The following ADCK2 variants were observed in gnomAD, a reference collection of about 807,000 sequenced individuals.
ADCK2 encodes aarF domain containing kinase 2, also known as uncharacterized aarF domain-containing protein kinase 2.
Under a neutral mutation model 52.3 loss-of-function variants are expected in ADCK2, and 37 were observed. The observed-to-expected ratio is 0.71, with a 90% CI of 0.54 to 0.93. The LOEUF (loss-of-function observed/expected upper bound fraction) is 0.93, where lower values mean the gene tolerates loss of function less well. ADCK2 is among the 40% of genes least tolerant of loss of function. The pLI, the probability that ADCK2 is intolerant of heterozygous loss-of-function variation, is 0.00. For synonymous variants in ADCK2, 321 were observed against 349.2 expected, an observed-to-expected ratio of 0.92 and a Z score of 0.90; for missense variants, 695 against 798.7, an observed-to-expected ratio of 0.87 and a Z score of 1.56.
intron 3 of ADCK2, among the ~76,000 whole-genome samples, chr7:140,680,789 G>T (rs545428721): frequency 1.3e-5 from 2 of 152,198 alleles, no homozygotes; most frequent in African/African-American, 4.8e-5. Flanking sequence ...GACTTTCCGA[G>T]TTGAGGTGGT....
At chr7:140,687,486 G>A (rs919419680) in intron 5 of ADCK2, among the ~76,000 whole-genome samples, 5 of 152,034 alleles carry the variant, frequency 3.3e-5, no homozygotes, top group Admixed American at 6.6e-5. Flanking sequence ...AGGCCAAGGC[G>A]GGTGGATCAC....
In ADCK2 at chr7:140,687,107, A is replaced by T; in HGVS notation, c.1423A>T (p.Thr475Ser). Residue 475 changes from threonine to serine, a missense_variant, in exon 5 of 8, where the codon ACT (threonine) becomes TCT (serine). Transcript: ENST00000072869. ...GCTGCAGCAGGCGGACATCTGTGAC[A>T]CTCTGGTGGTGGCCGTGCCATCTTC... ...AQLQQADICD[T>S]LVVAVPSSLC... 6 of 1,613,440 alleles carry T rather than the reference A, an allele frequency of 3.7e-6. No homozygotes were observed. The highest frequency in any genetic ancestry group is 5.1e-6 in the Non-Finnish European group (6 of 1,179,940).
Position 140,674,696 on chromosome 7 carries a change from G to T in ADCK2, c.1019G>T (p.Gly340Val). The T allele has an allele frequency of 6.2e-7, 1 of 1,614,178 alleles. No homozygotes were observed. Residue 340 changes from glycine (G) to valine (V), a missense_variant, in exon 2 of 8, where the codon GGC becomes GTC. Physicochemically the swap from Gly to Val is moderately radical, Grantham distance 109. Transcript: ENST00000072869. This position sits in a 1 kb window ranked among gnomAD's most constrained non-coding sequence, Gnocchi z 4.6. ...AGCCGAGTCCTGGGAGTTTTGCCAG[G>T]CATCAAGTGGCTTAGCTTGCCTGAG... Reference protein sequence around the residue: ...IGSRVLGVLPGIKWLSLPEIV... With the variant: ...IGSRVLGVLPVIKWLSLPEIV...
In ADCK2 at chr7:140,674,338, G is replaced by GC; in HGVS notation, c.933+80dup. The GC allele has an allele frequency of 7.0e-7, 1 of 1,436,114 alleles. No homozygotes were observed. Among genetic ancestry groups the GC allele is most frequent in the Non-Finnish European group, 9.4e-7 (1 of 1,065,958 alleles). The allele number at this position is 1,436,114 out of a possible 1,614,324, so 89.0% of individuals were successfully genotyped here. ...ATCAGAAACAACCGCCATGCAAATC[G>GC]CCCCCACGTTTATTTCTATTTGCCT... On this transcript the variant is annotated intron_variant, in intron 1 of 7. Coordinates refer to ENST00000072869, the MANE Select transcript of ADCK2 (RefSeq NM_052853.4). This position sits in a 1 kb window ranked among gnomAD's most constrained non-coding sequence, Gnocchi z 4.6.
intron 6 of ADCK2, among the ~76,000 whole-genome samples, chr7:140,690,327 C>CG (rs1288422009): frequency 6.6e-6 from 1 of 152,072 alleles, no homozygotes; most frequent in East Asian, 1.9e-4. Context: ...CTCAGCCTCC[C>CG]GAGTAGCTGG....
rs1049899058 is a variant in ADCK2 at position 140,678,290 on chromosome 7, A to G, written c.1081-865A>G. 1.3e-5 allele frequency among the ~76,000 whole-genome samples: 2 copies of G among 152,152 alleles called. No individual in the cohort carries two copies. Among genetic ancestry groups the G allele is most frequent in the East Asian group, 3.9e-4 (2 of 5,174 alleles). On this transcript the variant is annotated intron_variant, in intron 2 of 7. Coordinates refer to ENST00000072869, the MANE Select transcript of ADCK2 (RefSeq NM_052853.4). The surrounding 1 kb of genome is among the most constrained non-coding windows in gnomAD (Gnocchi z 4.9). ...CTCAAAGGTGACTGAGTGCGTGGGG[A>G]TGGTGAAGGGAAATTCCATTTAGGC...
Position 140,673,915 on chromosome 7 carries a change from G to T in ADCK2, c.585G>T (p.Gly195=), listed in dbSNP as rs757714109. Residue 195 remains glycine, a synonymous_variant, in exon 1 of 8, where the codon GGG becomes GGT. Transcript: ENST00000072869. This position sits in a 1 kb window ranked among gnomAD's most constrained non-coding sequence, Gnocchi z 6.4. ...GGCAGGCTTTTGGGGATGACTGGGG[G>T]AGCATCCTCTCTTTTGAGAACCGGG... The part of the protein sequence containing the change: ...FLRQAFGDDW[G]SILSFENREP... The T allele has an allele frequency of 6.2e-7, 1 of 1,613,988 alleles. No homozygotes were observed. The highest frequency in any genetic ancestry group is 1.1e-5 in the South Asian group (1 of 91,092).
chr7:140,691,422 G>A (rs1794700530), intron 7 of ADCK2, among the ~76,000 whole-genome samples: 3 of 152,202 alleles, frequency 2.0e-5, no homozygotes, highest in Non-Finnish European at 4.4e-5. Flanking sequence ...CATGATGCTT[G>A]TGTTAATGTA....
At chr7:140,691,758 A>G (rs953853682) in intron 7 of ADCK2, among the ~76,000 whole-genome samples, 1 of 152,236 alleles carries the variant, frequency 6.6e-6, no homozygotes, top group Non-Finnish European at 1.5e-5. Flanking sequence ...TATGACATCT[A>G]TTAGTAACCA....
Position 140,689,633 on chromosome 7 carries a change from CG to C in ADCK2, c.1597del (p.Ala533ProfsTer18). On this transcript the variant is annotated frameshift_variant, in exon 6 of 8. Coordinates refer to ENST00000072869, the MANE Select transcript of ADCK2 (RefSeq NM_052853.4). LOFTEE classifies it high-confidence loss of function. ...GGCTGAGCTGATCCTGCATCATGCCCGGGCCAGCGAGTGCAGGGACGTGGAG... is the reference window on the plus strand; with the variant it reads ...GGCTGAGCTGATCCTGCATCATGCCCGGCCAGCGAGTGCAGGGACGTGGAG... ...RVAELILHHA[R>X]ASECRDVEGF... 6.2e-7 allele frequency: 1 copy of C among 1,611,878 alleles called. No homozygotes were observed. Among genetic ancestry groups the C allele is most frequent in the Non-Finnish European group, 8.5e-7 (1 of 1,178,758 alleles).
chr7:140,681,212 G>A (rs1794510085), intron 4 of ADCK2, 75 bp downstream of exon 4: 3 of 1,421,732 alleles, frequency 2.1e-6, no homozygotes, highest in Non-Finnish European at 3.0e-6. Context: ...TGGGACTCTG[G>A]CTATCTGGGT....
chr7:140,673,480 CG>C lies in ADCK2; in HGVS notation c.151del (p.Val51SerfsTer15). On this transcript the variant is annotated frameshift_variant, in exon 1 of 8. Transcript: ENST00000072869. LOFTEE classifies it high-confidence loss of function. This position sits in a 1 kb window ranked among gnomAD's most constrained non-coding sequence, Gnocchi z 6.4. ...WLLLGTLPKV[V>X]SLCGDVGEGA... is the part of the protein sequence containing the mutation. The stretch of plus-strand genomic sequence containing the variant: ...TTCTGCTGGGCACTTTGCCCAAGGT[CG>C]TCTCCCTGTGCGGGGACGTGGGTGA... 2 of 1,608,092 alleles carry C rather than the reference CG, an allele frequency of 1.2e-6. No individual in the cohort carries two copies. The highest frequency in any genetic ancestry group is 1.7e-6 in the Non-Finnish European group (2 of 1,178,286).
intron 5 of ADCK2, 103 bp downstream of exon 5, chr7:140,687,344 C>T (rs919163619): frequency 3.5e-6 from 5 of 1,424,254 alleles, no homozygotes; most frequent in Non-Finnish European, 4.7e-6. Context: ...CTTTGGAAGC[C>T]TGAGCGGGGA....
At chr7:140,677,052 AAC>A (rs1313265085) in intron 2 of ADCK2, among the ~76,000 whole-genome samples, 1 of 151,420 alleles carries the variant, frequency 6.6e-6, no homozygotes, top group Non-Finnish European at 1.5e-5. Flanking sequence ...CAAACAAACA[AAC>A]AAAAAACTCT....
chr7:140,689,169 T>C (rs1249436896), intron 5 of ADCK2, among the ~76,000 whole-genome samples: 1 of 152,052 alleles, frequency 6.6e-6, no homozygotes, highest in African/African-American at 2.4e-5. Flanking sequence ...GGTTTCATCA[T>C]GTTGGTCAGG....
At position 140,694,837 on chromosome 7, in the gene ADCK2, G is replaced by A. The variant is rs781403542; in HGVS notation, c.*34G>A. On this transcript the variant is annotated 3_prime_UTR_variant, in exon 8 of 8. Transcript: ENST00000072869. ...TGGCCTCTGTGGGCCCTTGTCAAGA[G>A]CTGGAGGCCACTCCCAAGAGCCTCT... is the stretch of plus-strand genomic sequence containing the variant. 3.2e-6 allele frequency: 5 copies of A among 1,586,128 alleles called. No individual in the cohort carries two copies. The highest frequency in any genetic ancestry group is 4.3e-6 in the Non-Finnish European group (5 of 1,167,080).
intron 7 of ADCK2, among the ~76,000 whole-genome samples, chr7:140,692,196 C>T (rs564909747): frequency 1.3e-5 from 2 of 152,344 alleles, no homozygotes; most frequent in African/African-American, 4.8e-5. Flanking sequence ...TCCCCATTCC[C>T]CTCTCCATCC....
chr7:140,683,636 C>T lies in ADCK2; in HGVS notation c.1305+2499C>T, dbSNP rs965096506. Among the ~76,000 whole-genome samples the T allele has an allele frequency of 1.1e-4, 17 of 152,254 alleles. No individual in the cohort carries two copies. The East Asian group carries it at 1.7e-3, about 16-fold the overall frequency. ...CCCCCCAGCTGAAGAGGGGCCTGGC[C>T]GCATCAGGAGGGCATTCTTTGTTTC... On this transcript the variant is annotated intron_variant, in intron 4 of 7. Transcript: ENST00000072869.
intron 6 of ADCK2, among the ~76,000 whole-genome samples, chr7:140,690,286 T>C (rs1794682203): frequency 6.6e-6 from 1 of 152,040 alleles, no homozygotes; most frequent in African/African-American, 2.4e-5. Flanking sequence ...CACTGCAACT[T>C]CCACCTCCCG....
Sources: allele counts gnomAD v4.1 joint callset (sites outside exome capture counted in the v4.1 genomes callset), GRCh38; gene constraint gnomAD v4.1.1; non-coding constraint Gnocchi (gnomAD v3.1); transcripts MANE v1.5; gene names NCBI Gene and HGNC (gene_info 2026-07-23, HGNC 2026-07-21).